Variants in PKD1 observed in about 807,000 individuals in gnomAD.
PKD1 encodes polycystin-1.
PKD1 carries 81 observed loss-of-function variants against 361.7 expected under a neutral mutation model. The observed-to-expected ratio is 0.22, with a 90% CI of 0.19 to 0.27. PKD1 has a LOEUF of 0.27. Among genes scored for constraint, PKD1 ranks in the 10% least tolerant of loss-of-function variants. The pLI is 1.00. For missense variants in PKD1, 6,399 were observed against 6,118.3 expected, an observed-to-expected ratio of 1.05 and a Z score of -1.53; for synonymous variants, 3,615 against 2,818.3, an observed-to-expected ratio of 1.28 and a Z score of -8.95.
In PKD1 at chr16:2,090,604, G is replaced by C. The variant is rs200698404; in HGVS notation, c.12139-14C>G. 6.2e-7 allele frequency: 1 copy of C among 1,608,316 alleles called. No homozygotes were observed. Among genetic ancestry groups the C allele is most frequent in the East Asian group, 2.2e-5 (1 of 44,870 alleles). ...GGAAGACACGAGCTGCGGGGAAGGCGACACCAGTGAGGGCGTACAGCTGAG... is the reference window on the plus strand; with the variant it reads ...GGAAGACACGAGCTGCGGGGAAGGCCACACCAGTGAGGGCGTACAGCTGAG... On this transcript the variant is annotated splice_polypyrimidine_tract_variant and intron_variant, in intron 44 of 45. Coordinates refer to ENST00000262304, the MANE Select transcript of PKD1 (RefSeq NM_001009944.3).
chr16:2,095,915 T>G (rs1369784531), intron 34 of PKD1, among the ~76,000 whole-genome samples: 1 of 126,352 alleles, frequency 7.9e-6, no homozygotes, highest in Admixed American at 7.4e-5. Context: ...CCATACTCTG[T>G]ATTTTTAAAA....
rs1264176877 is a variant in PKD1, at chr16:2,110,306, G to C, written c.4861C>G (p.Gln1621Glu). The C allele has an allele frequency of 2.5e-6, 4 of 1,612,656 alleles. No homozygotes were observed. The highest frequency in any genetic ancestry group is 3.4e-6 in the Non-Finnish European group (4 of 1,179,850). ...VTAENEVGSA[Q>E]DSIFVYVLQL... The stretch of plus-strand genomic sequence containing the variant: ...AGGACATAGACGAAGATGCTGTCCT[G>C]GGCGGAGCCCACCTCGTTCTCAGCC... Residue 1621 changes from glutamine (Q) to glutamate (E), a missense_variant, in exon 15 of 46, where the codon CAG becomes GAG. Physicochemically the swap from Gln to Glu is conservative, Grantham distance 29. Transcript: ENST00000262304.
At chr16:2,132,250 C>CAAAA (rs1242007495) in intron 1 of PKD1, among the ~76,000 whole-genome samples, 1 of 108,654 alleles carries the variant, frequency 9.2e-6, no homozygotes, top group Non-Finnish European at 2.0e-5. Context: ...AACTCCGTCT[C>CAAAA]AAAAAAAAAA....
Position 2,111,500 on chromosome 16 carries a change from C to T in PKD1, c.3667G>A (p.Val1223Met), listed in dbSNP as rs749092859. 9.9e-6 allele frequency: 16 copies of T among 1,610,852 alleles called. 1 individual carries two copies. Among genetic ancestry groups the T allele is most frequent in the East Asian group, 2.2e-5 (1 of 44,828 alleles). ...RGLSVDMSLA[V>M]EQGAPVVVSA... ...ACCACCACGGGGGCGCCCTGCTCCA[C>T]GGCCAGGCTCATGTCCACGCTGAGT... The change falls in exon 15 of 46, where the codon GTG (valine) becomes ATG (methionine). Residue 1223 changes from valine (V) to methionine (M), a missense_variant. Physicochemically the swap from Val to Met is conservative, Grantham distance 21 (BLOSUM62 1). Coordinates refer to ENST00000262304, the MANE Select transcript of PKD1 (RefSeq NM_001009944.3).
In PKD1 at chr16:2,113,356, T is replaced by C. The variant is rs1239293814; in HGVS notation, c.2854-64A>G. 9.8e-6 allele frequency: 15 copies of C among 1,528,586 alleles called. No homozygotes were observed. The Admixed American group carries it at 2.2e-4, about 23-fold the overall frequency. The allele number at this position is 1,528,586 out of a possible 1,614,324, so 94.7% of individuals were successfully genotyped here. On this transcript the variant is annotated intron_variant, in intron 11 of 45. Coordinates refer to ENST00000262304, the MANE Select transcript of PKD1 (RefSeq NM_001009944.3). ...ACTCTGCCCTTAGCCTGTCGCCTCC[T>C]GGACACACCTCCCGTCGGGCTGGAG... is the stretch of plus-strand genomic sequence containing the variant.
At position 2,110,758 on chromosome 16, in the gene PKD1, C is replaced by T. The variant is rs2092481034; in HGVS notation, c.4409G>A (p.Ser1470Asn). 6.2e-7 allele frequency: 1 copy of T among 1,610,634 alleles called. No homozygotes were observed. Among genetic ancestry groups the T allele is most frequent in the Non-Finnish European group, 8.5e-7 (1 of 1,179,798 alleles). The stretch of plus-strand genomic sequence containing the variant: ...CCCAAGGGAGCCATTGACCTTGATG[C>T]TGGTGACCAGCACGGGCTCCTGCAC... ...VEVQEPVLVTSIKVNGSLGLE... is the reference protein window; with the variant it reads ...VEVQEPVLVTNIKVNGSLGLE... The change falls in exon 15 of 46, where the codon AGC becomes AAC. Residue 1470 changes from serine (S) to asparagine (N), a missense_variant. Ser to Asn is a conservative substitution (Grantham distance 46, BLOSUM62 1). Coordinates refer to ENST00000262304, the MANE Select transcript of PKD1 (RefSeq NM_001009944.3).
Position 2,111,367 on chromosome 16 carries a change from G to T in PKD1, c.3800C>A (p.Ala1267Glu), listed in dbSNP as rs1442527341. 1 of 1,610,816 alleles carries T rather than the reference G, an allele frequency of 6.2e-7. No homozygotes were observed. Among genetic ancestry groups the T allele is most frequent in the Admixed American group, 1.7e-5 (1 of 59,956 alleles). ...EATVEHVYLR[A>E]QNCTVTVGAA... ...ACCCACGGTCACTGTGCAGTTCTGTGCCCGCAGGTACACATGCTCCACTGT... is the reference window on the plus strand; with the variant it reads ...ACCCACGGTCACTGTGCAGTTCTGTTCCCGCAGGTACACATGCTCCACTGT... The change falls in exon 15 of 46, where the codon GCA becomes GAA. Residue 1267 changes from alanine (A) to glutamate (E), a missense_variant. Transcript: ENST00000262304.
intron 14 of PKD1, 34 bp downstream of exon 14, chr16:2,112,306 A>G: frequency 2.5e-6 from 4 of 1,568,846 alleles, no homozygotes; most frequent in East Asian, 2.2e-5. Context: ...CAGAGCCTGA[A>G]AGGCAGTGGC....
At chr16:2,097,105 C>T (rs1019421708) in intron 34 of PKD1, 43 bp downstream of exon 34, 3 of 1,459,858 alleles carry the variant, frequency 2.1e-6, no homozygotes, top group South Asian at 2.4e-5. Context: ...AGTCCCGGCC[C>T]CTCCTCTGGC....
intron 26 of PKD1, 61 bp downstream of exon 26, chr16:2,102,000 G>A (rs558352840): frequency 2.3e-5 from 25 of 1,070,468 alleles, no homozygotes; most frequent in Non-Finnish European, 3.4e-5. Context: ...ACTCCCAGAG[G>A]GTGCAACCAG....
In PKD1 at chr16:2,103,490, T is replaced by C. The variant is rs758731977; in HGVS notation, c.8567A>G (p.Gln2856Arg). Residue 2856 changes from glutamine to arginine, a missense_variant, in exon 23 of 46, where the codon CAG (glutamine) becomes CGG (arginine). By Grantham distance (43) the Gln-to-Arg change is conservative. Transcript: ENST00000262304. Reference protein sequence around the residue: ...TKVASMAFQTQAGAQIPIERL... With the variant: ...TKVASMAFQTRAGAQIPIERL... ...CTCGATGGGGATCTGGGCGCCGGCC[T>C]GTGTCTGGAATGCCATCGAGGCCAC... The C allele has an allele frequency of 1.2e-6, 2 of 1,603,124 alleles. No homozygotes were observed. The highest frequency in any genetic ancestry group is 2.2e-5 in the South Asian group (2 of 90,988).
At position 2,097,288 on chromosome 16, in the gene PKD1, T is replaced by C. The variant is rs1272958100; in HGVS notation, c.10405+31A>G. 7 of 1,610,428 alleles carry C rather than the reference T, an allele frequency of 4.3e-6. 1 individual carries two copies. In the South Asian group the frequency reaches 6.6e-5, roughly 15 times the overall value. ...GGTGGGCCCAGCTGCAAGGGTGAGCTTCAGAGCCCCCTCCTCTCACCCCAG... is the reference window on the plus strand; with the variant it reads ...GGTGGGCCCAGCTGCAAGGGTGAGCCTCAGAGCCCCCTCCTCTCACCCCAG... On this transcript the variant is annotated intron_variant, in intron 33 of 45. Transcript: ENST00000262304.
chr16:2,096,444 G>C (rs1347993052), intron 34 of PKD1, among the ~76,000 whole-genome samples: 1 of 152,256 alleles, frequency 6.6e-6, no homozygotes, highest in Non-Finnish European at 1.5e-5. Flanking sequence ...GCGTGACTAT[G>C]TGCGTGACTA....
chr16:2,118,056 G>A lies in PKD1; in HGVS notation c.936C>T (p.Ala312=), dbSNP rs200848298. The change falls in exon 5 of 46, where the codon GCC becomes GCT. Residue 312 remains alanine, a synonymous_variant. Transcript: ENST00000262304. This position sits in a 1 kb window ranked among gnomAD's most constrained non-coding sequence, Gnocchi z 6.0. ...ATRWDFGDGS[A]EVDAAGPAAS... ...CAGCCGGCCCAGCGGCATCCACCTC[G>A]GCGGAGCCGTCTCCGAAGTCCCAGC... 38 of 1,604,880 alleles carry A rather than the reference G, an allele frequency of 2.4e-5. No individual in the cohort carries two copies. The highest frequency in any genetic ancestry group is 6.7e-5 in the East Asian group (3 of 44,848).
rs766230525 is a variant in PKD1 at position 2,103,336 on chromosome 16, A to C, written c.8721T>G (p.Ala2907=). 3.7e-6 allele frequency: 6 copies of C among 1,606,538 alleles called. No individual in the cohort carries two copies. Residue 2907 remains alanine, a synonymous_variant, in exon 23 of 46, where the codon GCT becomes GCG. Coordinates refer to ENST00000262304, the MANE Select transcript of PKD1 (RefSeq NM_001009944.3). ...GGTTGCTGCTGTCCAGGGTGACCACAGCACCGACGGAGGCCTGGGGCTGGA... is the reference window on the plus strand; with the variant it reads ...GGTTGCTGCTGTCCAGGGTGACCACCGCACCGACGGAGGCCTGGGGCTGGA... The part of the protein sequence containing the change: ...VVVQPQASVG[A]VVTLDSSNPA...
rs1324789250 is a variant in PKD1 at position 2,106,151 on chromosome 16, T to C, written c.7643A>G (p.Glu2548Gly). 2 of 1,607,310 alleles carry C rather than the reference T, an allele frequency of 1.2e-6. No homozygotes were observed. The highest frequency in any genetic ancestry group is 1.7e-6 in the Non-Finnish European group (2 of 1,178,276). The change falls in exon 19 of 46, where the codon GAG (glutamate) becomes GGG (glycine). Residue 2548 changes from glutamate (E) to glycine (G), a missense_variant. Coordinates refer to ENST00000262304, the MANE Select transcript of PKD1 (RefSeq NM_001009944.3). This position sits in a 1 kb window ranked among gnomAD's most constrained non-coding sequence, Gnocchi z 6.5. ...VLPPGFRPHF[E>G]VGLAVVVQDQ... ...CTGCACCACCACGGCCAGGCCCACC[T>C]CGAAGTGTGGCCTGAAACCCGGGGG...
rs564339628 is a variant in PKD1, at chr16:2,106,138, G to A, written c.7656C>T (p.Ala2552=). The A allele has an allele frequency of 6.1e-5, 98 of 1,606,288 alleles. No homozygotes were observed. Among genetic ancestry groups the A allele is most frequent in the Non-Finnish European group, 7.3e-5 (86 of 1,177,588 alleles). The change falls in exon 19 of 46, where the codon GCC becomes GCT. Residue 2552 remains alanine, a synonymous_variant. Coordinates refer to ENST00000262304, the MANE Select transcript of PKD1 (RefSeq NM_001009944.3). The surrounding 1 kb of genome is among the most constrained non-coding windows in gnomAD (Gnocchi z 6.5). ...CTCCCAGCTGGTCCTGCACCACCACGGCCAGGCCCACCTCGAAGTGTGGCC... is the reference window on the plus strand; with the variant it reads ...CTCCCAGCTGGTCCTGCACCACCACAGCCAGGCCCACCTCGAAGTGTGGCC... ...GFRPHFEVGL[A]VVVQDQLGAA...
At chr16:2,101,733 G>A (rs1266808489) in intron 26 of PKD1, among the ~76,000 whole-genome samples, 1 of 152,288 alleles carries the variant, frequency 6.6e-6, no homozygotes, top group Non-Finnish European at 1.5e-5. Context: ...CCGTCTGAGA[G>A]ACGAGCTATG....
At chr16:2,091,950 G>A (rs781325135) in intron 40 of PKD1, 44 bp from the exon 41 acceptor site, 24 of 1,611,582 alleles carry the variant, frequency 1.5e-5, no homozygotes, top group Middle Eastern at 1.6e-4. Context: ...CAGCCCTTCC[G>A]GCACCCCGGA....
Sources: gnomAD v4.1 joint callset for allele counts (sites outside exome capture counted in the v4.1 genomes callset) on GRCh38, gnomAD v4.1.1 for gene constraint, Gnocchi (gnomAD v3.1) non-coding constraint, MANE v1.5 for transcripts, NCBI Gene and HGNC (gene_info 2026-07-23, HGNC 2026-07-21) for gene names.